Variants in ARHGAP27 observed in about 807,000 individuals in gnomAD.
ARHGAP27 encodes rho GTPase-activating protein 27.
In ARHGAP27, 53 loss-of-function variants were observed where a neutral mutation model predicts 102.0. That is an observed-to-expected ratio of 0.52 (90% CI 0.42 to 0.65). The LOEUF (loss-of-function observed/expected upper bound fraction) is 0.65. ARHGAP27 is among the 30% of genes least tolerant of loss of function. ARHGAP27 has a pLI of 0.00. For synonymous variants in ARHGAP27, 525 were observed against 542.8 expected, an observed-to-expected ratio of 0.97 and a Z score of 0.46; for missense variants, 1,117 against 1,256.2, an observed-to-expected ratio of 0.89 and a Z score of 1.68.
chr17:45,429,679 C>A lies in ARHGAP27; in HGVS notation c.601G>T (p.Val201Phe). 1 of 1,576,444 alleles carries A rather than the reference C, an allele frequency of 6.3e-7. No homozygotes were observed. Among genetic ancestry groups the A allele is most frequent in the Non-Finnish European group, 8.6e-7 (1 of 1,160,910 alleles). ...TGCAAGTCCTGGATGACCTCGTAGA[C>A]GTTCTCTGAGTCGCTGCGCGCCAGA... The part of the protein sequence containing the change: ...RPLARSDSEN[V>F]YEVIQDLHVP... Residue 201 changes from valine to phenylalanine, a missense_variant, in exon 4 of 20, where the codon GTC becomes TTC. Physicochemically the swap from Val to Phe is conservative, Grantham distance 50. Transcript: ENST00000685559.
chr17:45,395,107 A>C lies in ARHGAP27; in HGVS notation c.*349T>G. 1 of 317,938 alleles carries C rather than the reference A, an allele frequency of 3.1e-6. No individual in the cohort carries two copies. 19.7% of individuals were successfully genotyped at this position (317,938 alleles called of 1,614,324 possible). A position where few individuals can be genotyped will look rare whatever the true frequency, so the allele number is the denominator to read the frequency against. On this transcript the variant is annotated 3_prime_UTR_variant, in exon 20 of 20. Coordinates refer to ENST00000685559, the MANE Select transcript of ARHGAP27 (RefSeq NM_001282290.2). ...AGAAGCAGCCAGGAAGCCCTCCATC[A>C]AACTCCTCCTCCCAGCACCTACCAT...
At chr17:45,429,572 G>T (rs778455479) in intron 4 of ARHGAP27, 51 bp downstream of exon 4, 23 of 1,574,148 alleles carry the variant, frequency 1.5e-5, no homozygotes, top group Non-Finnish European at 1.8e-5. Flanking sequence ...CCGTGCGGGC[G>T]CGGTCCCTAG....
intron 12 of ARHGAP27, 143 bp downstream of exon 12, chr17:45,402,571 T>C (rs2046568697): frequency 5.6e-6 from 4 of 720,526 alleles, no homozygotes; most frequent in Admixed American, 2.9e-5. Flanking sequence ...CCTCTATTAA[T>C]ACAGCCAAAA....
Position 45,404,540 on chromosome 17 carries a change from GA to G in ARHGAP27, c.1330-13del. The G allele has an allele frequency of 6.2e-7, 1 of 1,613,426 alleles. No individual in the cohort carries two copies. The highest frequency in any genetic ancestry group is 1.1e-5 in the South Asian group (1 of 91,034). Reference sequence around the variant, plus strand: ...GCAGGGACAGGGACCTGGGGAGAAAGACACAGTCGTATATGATCTCTTCCTC... The same window carrying G: ...GCAGGGACAGGGACCTGGGGAGAAAGCACAGTCGTATATGATCTCTTCCTC... On this transcript the variant is annotated splice_polypyrimidine_tract_variant and intron_variant, in intron 7 of 19. Transcript: ENST00000685559.
At chr17:45,403,537 C>T (rs961283502) in intron 11 of ARHGAP27, 82 bp downstream of exon 11, 42 of 1,184,092 alleles carry the variant, frequency 3.5e-5, no homozygotes, top group South Asian at 1.5e-4. Flanking sequence ...GGTGACAGAG[C>T]GAGACTCCGT....
intron 12 of ARHGAP27, among the ~76,000 whole-genome samples, chr17:45,400,397 GC>G (rs2046297421): frequency 6.6e-6 from 1 of 152,148 alleles, no homozygotes; most frequent in Non-Finnish European, 1.5e-5. Flanking sequence ...AGGGAGGATG[GC>G]CAGCAGTCAA....
intron 4 of ARHGAP27, among the ~76,000 whole-genome samples, chr17:45,421,726 T>C (rs1238025942): frequency 6.6e-6 from 1 of 151,716 alleles, no homozygotes; most frequent in Non-Finnish European, 1.5e-5. Context: ...GATAACCAGA[T>C]CAGAGGGAAA....
chr17:45,403,582 A>C (rs780147536), intron 11 of ARHGAP27, 37 bp downstream of exon 11: 1 of 1,477,690 alleles, frequency 6.8e-7, no homozygotes. Flanking sequence ...AAAAAAAAGC[A>C]GATGGGATGG....
chr17:45,403,638 G>T lies in ARHGAP27; in HGVS notation c.1619C>A (p.Thr540Asn). The T allele has an allele frequency of 3.1e-6, 5 of 1,614,014 alleles. No homozygotes were observed. Among genetic ancestry groups the T allele is most frequent in the Non-Finnish European group, 4.2e-6 (5 of 1,180,012 alleles). The change falls in exon 11 of 20, where the codon ACC (threonine) becomes AAC (asparagine). Residue 540 changes from threonine to asparagine, a missense_variant. Physicochemically the swap from Thr to Asn is moderately conservative, Grantham distance 65 (BLOSUM62 0). Coordinates refer to ENST00000685559, the MANE Select transcript of ARHGAP27 (RefSeq NM_001282290.2). ...GVLTFFKDSK[T>N]SAAGGLRQPS... Reference sequence around the variant, plus strand: ...CCTTACCAGGCCGCCTGCAGCCGAGGTCTTTGAGTCCTTGAAGAATGTCAG... The same window carrying T: ...CCTTACCAGGCCGCCTGCAGCCGAGTTCTTTGAGTCCTTGAAGAATGTCAG...
At chr17:45,424,775 T>G (rs567175422) in intron 4 of ARHGAP27, among the ~76,000 whole-genome samples, 1 of 152,086 alleles carries the variant, frequency 6.6e-6, no homozygotes, top group Admixed American at 6.5e-5. Context: ...AAAGAACTTA[T>G]TCACGTAACC....
chr17:45,429,457 C>T lies in ARHGAP27; in HGVS notation c.657+166G>A, dbSNP rs1365044118. On this transcript the variant is annotated intron_variant, in intron 4 of 19. Coordinates refer to ENST00000685559, the MANE Select transcript of ARHGAP27 (RefSeq NM_001282290.2). Reference sequence around the variant, plus strand: ...CTGATGAGGGACTGCGGGCGTGCACCCCTCACGTTTCGCGGTTGGGGAGAG... The same window carrying T: ...CTGATGAGGGACTGCGGGCGTGCACTCCTCACGTTTCGCGGTTGGGGAGAG... 3 of 1,465,428 alleles carry T rather than the reference C, an allele frequency of 2.0e-6. No homozygotes were observed. In the East Asian group the frequency reaches 7.6e-5, roughly 37 times the overall value. The allele number at this position is 1,465,428 out of a possible 1,614,324, so 90.8% of individuals were successfully genotyped here. A position where few individuals can be genotyped will look rare whatever the true frequency, so the allele number is the denominator to read the frequency against.
At chr17:45,404,791 G>A in intron 6 of ARHGAP27, 110 bp from the exon 7 acceptor site, 1 of 1,502,750 alleles carries the variant, frequency 6.7e-7, no homozygotes, top group Non-Finnish European at 9.1e-7. Flanking sequence ...AGGGGCAGGT[G>A]CAGGTGACTG....
Position 45,395,406 on chromosome 17 carries a change from C to T in ARHGAP27, c.*50G>A. ...GGCCCGGCTGCGTGGCCTCCGCCGC[C>T]CAGCTTGTGTGGCAGGACCGCGGCC... is the stretch of plus-strand genomic sequence containing the variant. On this transcript the variant is annotated 3_prime_UTR_variant, in exon 20 of 20. Coordinates refer to ENST00000685559, the MANE Select transcript of ARHGAP27 (RefSeq NM_001282290.2). 6.6e-7 allele frequency: 1 copy of T among 1,520,450 alleles called. No individual in the cohort carries two copies. Among genetic ancestry groups the T allele is most frequent in the Non-Finnish European group, 8.9e-7 (1 of 1,129,758 alleles). The allele number at this position is 1,520,450 out of a possible 1,614,324, so 94.2% of individuals were successfully genotyped here.
At chr17:45,415,119 T>G (rs546135388) in intron 4 of ARHGAP27, among the ~76,000 whole-genome samples, 3 of 151,668 alleles carry the variant, frequency 2.0e-5, no homozygotes, top group Admixed American at 6.6e-5. Flanking sequence ...CATCTCCTTT[T>G]AACAACTAAT....
Position 45,396,799 on chromosome 17 carries a change from G to A in ARHGAP27, c.1952-9C>T, listed in dbSNP as rs1206431869. ...GCCCAGGGCGGGCGCGGCTGCCGCG[G>A]GGAAAGGCAGGACTGAGTCAGGAGG... On this transcript the variant is annotated splice_polypyrimidine_tract_variant and intron_variant, in intron 14 of 19. Transcript: ENST00000685559. 6.2e-7 allele frequency: 1 copy of A among 1,609,226 alleles called. No individual in the cohort carries two copies. The highest frequency in any genetic ancestry group is 1.7e-4 in the Middle Eastern group (1 of 6,046).
chr17:45,401,260 G>T (rs967167916), intron 12 of ARHGAP27, among the ~76,000 whole-genome samples: 15 of 151,754 alleles, frequency 9.9e-5, no homozygotes, highest in Non-Finnish European at 1.9e-4. Context: ...GATCGCTTGA[G>T]CCCAGGGGCT....
chr17:45,403,534 G>A, intron 11 of ARHGAP27, 85 bp downstream of exon 11: 3 of 1,153,202 alleles, frequency 2.6e-6, no homozygotes, highest in Non-Finnish European at 3.7e-6. Flanking sequence ...CTGGGTGACA[G>A]AGCGAGACTC....
At chr17:45,416,983 C>T (rs550176209) in intron 4 of ARHGAP27, among the ~76,000 whole-genome samples, 3 of 150,800 alleles carry the variant, frequency 2.0e-5, no homozygotes, top group African/African-American at 4.9e-5. Context: ...GGAGAAACCC[C>T]GTCTCTACTA....
intron 10 of ARHGAP27, 91 bp from the exon 11 acceptor site, chr17:45,403,800 G>A: frequency 8.3e-7 from 1 of 1,201,342 alleles, no homozygotes; most frequent in South Asian, 1.3e-5. Context: ...TCAGAGCTTA[G>A]GAACACAGGC....
Sources: gnomAD v4.1 joint callset for allele counts (sites outside exome capture counted in the v4.1 genomes callset) on GRCh38, gnomAD v4.1.1 for gene constraint, MANE v1.5 for transcripts, NCBI Gene and HGNC (gene_info 2026-07-23, HGNC 2026-07-21) for gene names.